Variants in CAPZA2 observed in about 807,000 individuals in gnomAD.
The protein encoded by CAPZA2 is capping actin protein of muscle Z-line subunit alpha 2, also known as F-actin-capping protein subunit alpha-2.
In CAPZA2, 13 loss-of-function variants were observed where a neutral mutation model predicts 44.0. The ratio of observed to expected loss-of-function variants is 0.30; its 90% CI spans 0.19 to 0.47. The LOEUF (loss-of-function observed/expected upper bound fraction) is 0.47, where lower values mean the gene tolerates loss of function less well. CAPZA2 is among the 20% of genes least tolerant of loss of function. The pLI is 1.00. For missense variants in CAPZA2, 244 were observed against 338.6 expected, an observed-to-expected ratio of 0.72 and a Z score of 2.19; for synonymous variants, 94 against 108.2, an observed-to-expected ratio of 0.87 and a Z score of 0.81.
intron 1 of CAPZA2, among the ~76,000 whole-genome samples, chr7:116,885,828 C>T (rs1291945839): frequency 6.6e-6 from 1 of 152,172 alleles, no homozygotes; most frequent in African/African-American, 2.4e-5. Flanking sequence ...CGAAGCTCTC[C>T]AAACCCTCTT....
chr7:116,870,790 G>A (rs1796545478), intron 1 of CAPZA2, among the ~76,000 whole-genome samples: 1 of 152,082 alleles, frequency 6.6e-6, no homozygotes, highest in Non-Finnish European at 1.5e-5. Flanking sequence ...TTTTAGAGTT[G>A]GAATCAAGAA....
Position 116,918,662 on chromosome 7 carries a change from G to A in CAPZA2, c.*795G>A, listed in dbSNP as rs1049618. ...AATCCTGAACTCATGACCATGTCTC[G>A]GTTTATTTTTTTTTTCTTGGATTGA... On this transcript the variant is annotated 3_prime_UTR_variant, in exon 10 of 10. Coordinates refer to ENST00000361183, the MANE Select transcript of CAPZA2 (RefSeq NM_006136.3). 51,180 of 151,790 alleles carry A rather than the reference G, an allele frequency of 0.34. 10,492 individuals are homozygous for A. Among genetic ancestry groups the A allele is most frequent in the South Asian group, 0.52 (2,516 of 4,806 alleles). 9.4% of individuals were successfully genotyped at this position (151,790 alleles called of 1,614,324 possible).
At chr7:116,897,110 G>A (rs918563384) in intron 3 of CAPZA2, among the ~76,000 whole-genome samples, 1 of 152,022 alleles carries the variant, frequency 6.6e-6, no homozygotes, top group African/African-American at 2.4e-5. Flanking sequence ...GGTGGATGGC[G>A]TTTTATATTA....
intron 1 of CAPZA2, among the ~76,000 whole-genome samples, chr7:116,872,197 A>G (rs1420058768): frequency 6.6e-6 from 1 of 152,158 alleles, no homozygotes; most frequent in African/African-American, 2.4e-5. Context: ...TTTTCCTGCT[A>G]TTTCATTTTA....
At chr7:116,883,856 G>A (rs1416164652) in intron 1 of CAPZA2, among the ~76,000 whole-genome samples, 1 of 152,176 alleles carries the variant, frequency 6.6e-6, no homozygotes, top group East Asian at 1.9e-4. Context: ...TATGCTATAT[G>A]TGTGCTGCTT....
At position 116,898,817 on chromosome 7, in the gene CAPZA2, T is replaced by G. The variant is rs1171823110; in HGVS notation, c.201T>G (p.Ile67Met). The change falls in exon 4 of 10, where the codon ATT becomes ATG. Residue 67 changes from isoleucine (I) to methionine (M), a missense_variant. Transcript: ENST00000361183. ...YNLDQFTPVK[I>M]EGYEDQVLIT... ...TGGACCAGTTTACTCCAGTAAAAAT[T>G]GAAGGTTATGAAGATCAGGTATGTT... is the stretch of plus-strand genomic sequence containing the variant. 1.3e-6 allele frequency: 2 copies of G among 1,591,134 alleles called. No individual in the cohort carries two copies. The highest frequency in any genetic ancestry group is 1.3e-5 in the African/African-American group (1 of 74,582).
intron 3 of CAPZA2, among the ~76,000 whole-genome samples, chr7:116,897,398 A>C (rs1300421648): frequency 6.6e-6 from 1 of 152,144 alleles, no homozygotes; most frequent in Non-Finnish European, 1.5e-5. Context: ...TTTTTTGAGC[A>C]TGTAGTATCA....
chr7:116,883,294 T>C (rs1796723146), intron 1 of CAPZA2, among the ~76,000 whole-genome samples: 1 of 152,224 alleles, frequency 6.6e-6, no homozygotes, highest in African/African-American at 2.4e-5. Flanking sequence ...TTTTTCTTTT[T>C]TGCATTTAGA....
Position 116,862,592 on chromosome 7 carries a change from G to C in CAPZA2, c.-20G>C, listed in dbSNP as rs1796430826. ...TGGCCGCTGCCGCCGCCGCCGCCGC[G>C]GTTTGTCGCCAGAAGGAAGATGGCG... On this transcript the variant is annotated 5_prime_UTR_variant, in exon 1 of 10. Transcript: ENST00000361183. The C allele has an allele frequency of 1.3e-6, 2 of 1,536,164 alleles. No homozygotes were observed. Among genetic ancestry groups the C allele is most frequent in the Admixed American group, 2.0e-5 (1 of 50,152 alleles).
chr7:116,875,528 T>A (rs944892964), intron 1 of CAPZA2: 7 of 150,390 alleles, frequency 4.7e-5, no homozygotes, highest in African/African-American at 1.5e-4. Flanking sequence ...AGATTTGCAA[T>A]AAATTGGAGG....
chr7:116,896,399 A>C (rs989086612), intron 3 of CAPZA2, among the ~76,000 whole-genome samples: 1 of 152,158 alleles, frequency 6.6e-6, no homozygotes, highest in Admixed American at 6.5e-5. Flanking sequence ...TGAGATAAAT[A>C]AGCCTTTTAG....
intron 7 of CAPZA2, among the ~76,000 whole-genome samples, chr7:116,910,848 A>G (rs2115974427): frequency 6.6e-6 from 1 of 152,096 alleles, no homozygotes; most frequent in East Asian, 1.9e-4. Flanking sequence ...TACTAAAAAT[A>G]CAAAAAATTA....
At chr7:116,891,182 ATTTC>A (rs542484377) in intron 2 of CAPZA2, among the ~76,000 whole-genome samples, 203 of 152,146 alleles carry the variant, frequency 1.3e-3, no homozygotes, top group Middle Eastern at 6.8e-3. Context: ...TCCTCTTTTT[ATTTC>A]TTCTACTCTT....
chr7:116,898,963 A>G, intron 4 of CAPZA2, 128 bp downstream of exon 4: 1 of 469,242 alleles, frequency 2.1e-6, no homozygotes, highest in East Asian at 3.2e-5. Context: ...TTATGGGCAA[A>G]GTAATTGAAG....
In CAPZA2 at chr7:116,919,098, T is replaced by G. The variant is rs1791726182; in HGVS notation, c.*1231T>G. 3 of 150,062 alleles carry G rather than the reference T, an allele frequency of 2.0e-5. No homozygotes were observed. Among genetic ancestry groups the G allele is most frequent in the Admixed American group, 1.3e-4 (2 of 15,012 alleles). 9.3% of individuals were successfully genotyped at this position (150,062 alleles called of 1,614,324 possible). On this transcript the variant is annotated 3_prime_UTR_variant, in exon 10 of 10. Transcript: ENST00000361183. ...TTTTTTTTTTATTTTATTTTATTGT[T>G]TTTTTTTTTAGAAAAACACCACTTT...
At chr7:116,877,343 G>T (rs1796635324) in intron 1 of CAPZA2, among the ~76,000 whole-genome samples, 1 of 152,152 alleles carries the variant, frequency 6.6e-6, no homozygotes, top group African/African-American at 2.4e-5. Context: ...AAGATATTCT[G>T]CTGCTGTGTG....
chr7:116,863,311 G>A (rs1006205030), intron 1 of CAPZA2, among the ~76,000 whole-genome samples: 9 of 152,234 alleles, frequency 5.9e-5, no homozygotes, highest in African/African-American at 2.2e-4. Context: ...CCAGGAGGCA[G>A]CGGAGTTGCT....
intron 1 of CAPZA2, chr7:116,875,428 A>T (rs1432373388): frequency 6.6e-6 from 1 of 152,244 alleles, no homozygotes; most frequent in East Asian, 1.9e-4. Flanking sequence ...CCTAAAATTG[A>T]TATAAGAGCT....
intron 1 of CAPZA2, chr7:116,873,551 G>C (rs918133375): frequency 1.4e-4 from 21 of 153,210 alleles, no homozygotes; most frequent in Admixed American, 7.2e-4. Context: ...CTTAGTGTTT[G>C]AAAACATGTT....
Sources: gnomAD v4.1 joint callset for allele counts (sites outside exome capture counted in the v4.1 genomes callset) on GRCh38, gnomAD v4.1.1 for gene constraint, MANE v1.5 for transcripts, NCBI Gene and HGNC (gene_info 2026-07-23, HGNC 2026-07-21) for gene names.